DPP6: variants seen among roughly 807,000 people sequenced by gnomAD.
DPP6 encodes the protein dipeptidyl peptidase like 6.
Under a neutral mutation model 122.6 loss-of-function variants are expected in DPP6, and 69 were observed. The ratio of observed to expected loss-of-function variants is 0.56; its 90% CI spans 0.46 to 0.69. DPP6 has a LOEUF of 0.69. DPP6 is among the 30% of genes least tolerant of loss of function. DPP6 has a pLI of 0.00. For synonymous variants in DPP6, 418 were observed against 433.1 expected, an observed-to-expected ratio of 0.97 and a Z score of 0.43; for missense variants, 928 against 1,116.9, an observed-to-expected ratio of 0.83 and a Z score of 2.41.
At chr7:154,141,905 A>C (rs901596978) in intron 1 of DPP6, among the ~76,000 whole-genome samples, 1 of 152,230 alleles carries the variant, frequency 6.6e-6, no homozygotes, top group Non-Finnish European at 1.5e-5. Flanking sequence ...TTATGTTAAA[A>C]ATACATTTGA....
At chr7:154,424,788 A>T (rs1175040576) in intron 1 of DPP6, among the ~76,000 whole-genome samples, 1 of 152,160 alleles carries the variant, frequency 6.6e-6, no homozygotes, top group African/African-American at 2.4e-5. Context: ...CAACTGCGTG[A>T]CTTTAGGTAA....
chr7:154,123,615 G>A (rs1807655551), intron 1 of DPP6, among the ~76,000 whole-genome samples: 2 of 152,136 alleles, frequency 1.3e-5, no homozygotes, highest in Admixed American at 1.3e-4. Flanking sequence ...CCCCTGGGTG[G>A]GGCCTCTGTG....
chr7:154,426,592 A>T (rs1448785352), intron 1 of DPP6, among the ~76,000 whole-genome samples: 3 of 152,122 alleles, frequency 2.0e-5, no homozygotes, highest in Non-Finnish European at 4.4e-5. Context: ...ATACAAGTGG[A>T]AGGTTTCTTT....
At chr7:154,568,787 C>T (rs1830929230) in intron 5 of DPP6, among the ~76,000 whole-genome samples, 1 of 152,026 alleles carries the variant, frequency 6.6e-6, no homozygotes, top group Admixed American at 6.5e-5. Flanking sequence ...GTCTTCTCAA[C>T]TGAAGGAAAA....
At chr7:154,304,529 C>T (rs547333430) in intron 1 of DPP6, among the ~76,000 whole-genome samples, 1 of 152,098 alleles carries the variant, frequency 6.6e-6, no homozygotes, top group Admixed American at 6.5e-5. Flanking sequence ...GTGGGGAGCC[C>T]TCATGTTTCT....
At chr7:154,709,756 T>C (rs1841059271) in intron 7 of DPP6, among the ~76,000 whole-genome samples, 1 of 152,196 alleles carries the variant, frequency 6.6e-6, no homozygotes. Context: ...GCCCCATCTT[T>C]GTTGTTGGTA....
chr7:154,619,122 A>C (rs1338304948), intron 5 of DPP6, among the ~76,000 whole-genome samples: 1 of 152,186 alleles, frequency 6.6e-6, no homozygotes, highest in East Asian at 1.9e-4. Flanking sequence ...CTCCCCAGCC[A>C]TGTGGAACTG....
chr7:153,942,470 C>T (rs916017734), intron 1 of DPP6, among the ~76,000 whole-genome samples: 5 of 152,200 alleles, frequency 3.3e-5, no homozygotes, highest in African/African-American at 9.6e-5. Context: ...GAATTGGATC[C>T]TTTGCTGAAT....
intron 1 of DPP6, among the ~76,000 whole-genome samples, chr7:154,398,643 T>C (rs1383409898): frequency 1.3e-5 from 2 of 152,176 alleles, no homozygotes; most frequent in Non-Finnish European, 2.9e-5. Context: ...GGTTATGCTG[T>C]TTTCATTTTG....
intron 1 of DPP6, among the ~76,000 whole-genome samples, chr7:154,276,002 C>T (rs552134976): frequency 5.6e-4 from 86 of 152,318 alleles, no homozygotes; most frequent in African/African-American, 1.9e-3. Context: ...ATAGTAAGAC[C>T]TTGCCAGTGC....
chr7:154,014,152 G>A (rs1451098741), intron 1 of DPP6, among the ~76,000 whole-genome samples: 1 of 150,734 alleles, frequency 6.6e-6, no homozygotes, highest in African/African-American at 2.4e-5. Context: ...AGACCCTAAT[G>A]TAGCAGAGGC....
intron 1 of DPP6, among the ~76,000 whole-genome samples, chr7:154,127,269 A>T (rs1312726036): frequency 6.6e-6 from 1 of 152,224 alleles, no homozygotes; most frequent in African/African-American, 2.4e-5. Flanking sequence ...CATTTTAAGA[A>T]AATATTTTCC....
chr7:154,157,955 A>G (rs550774276), intron 1 of DPP6, among the ~76,000 whole-genome samples: 21 of 148,618 alleles, frequency 1.4e-4, no homozygotes, highest in African/African-American at 4.9e-4. Context: ...ATACATATAT[A>G]TGTACATATA....
intron 1 of DPP6, among the ~76,000 whole-genome samples, chr7:154,355,342 T>G (rs1811188499): frequency 6.6e-6 from 1 of 152,240 alleles, no homozygotes; most frequent in African/African-American, 2.4e-5. Context: ...TCATATAATA[T>G]TTTTCACAAT....
At chr7:153,869,247 TG>T in the DPP6 span, among the ~76,000 whole-genome samples, 1 of 152,220 alleles carries the variant, frequency 6.6e-6, no homozygotes, top group African/African-American at 2.4e-5. Context: ...ATGTTGACAG[TG>T]GGGTGTTAAA....
intron 5 of DPP6, among the ~76,000 whole-genome samples, chr7:154,596,382 T>A (rs1833092049): frequency 6.6e-6 from 1 of 152,228 alleles, no homozygotes; most frequent in African/African-American, 2.4e-5. Context: ...TGCCAGGAAT[T>A]CACATTCCGC....
At chr7:154,346,667 C>A (rs533688374) in intron 1 of DPP6, among the ~76,000 whole-genome samples, 1 of 152,288 alleles carries the variant, frequency 6.6e-6, no homozygotes, top group Admixed American at 6.5e-5. Context: ...AGTGGCATTA[C>A]AGTGGAGTCA....
In DPP6 at chr7:154,282,974, C is replaced by T. The variant is rs141245784; in HGVS notation, c.244-163240C>T. Among the ~76,000 whole-genome samples the T allele has an allele frequency of 9.5e-4, 144 of 152,250 alleles. No homozygotes were observed. The highest frequency in any genetic ancestry group is 3.2e-3 in the African/African-American group (132 of 41,538). On this transcript the variant is annotated intron_variant, in intron 1 of 25. Coordinates refer to ENST00000377770, the MANE Select transcript of DPP6 (RefSeq NM_130797.4). The surrounding 1 kb of genome is among the most constrained non-coding windows in gnomAD (Gnocchi z 4.8). ...CTCAAGGGCATCAGACATCAGAACACGTCTCTCTCTGGACTCAGGGACAAT... is the reference window on the plus strand; with the variant it reads ...CTCAAGGGCATCAGACATCAGAACATGTCTCTCTCTGGACTCAGGGACAAT...
intron 1 of DPP6, among the ~76,000 whole-genome samples, chr7:154,237,606 A>G (rs1263229648): frequency 6.6e-6 from 1 of 152,074 alleles, no homozygotes; most frequent in African/African-American, 2.4e-5. Flanking sequence ...CTGTCCACTT[A>G]CCAAAGAGTC....
Sources: gnomAD v4.1 joint callset for allele counts (sites outside exome capture counted in the v4.1 genomes callset) on GRCh38, gnomAD v4.1.1 for gene constraint, Gnocchi (gnomAD v3.1) non-coding constraint, MANE v1.5 for transcripts, NCBI Gene and HGNC (gene_info 2026-07-23, HGNC 2026-07-21) for gene names.